CNNM2: variants seen among roughly 807,000 people sequenced by gnomAD.
CNNM2 encodes cyclin and CBS domain divalent metal cation transport mediator 2.
In CNNM2, 12 loss-of-function variants were observed where a neutral mutation model predicts 66.9. The ratio of observed to expected loss-of-function variants is 0.18; its 90% CI spans 0.11 to 0.29. The LOEUF (loss-of-function observed/expected upper bound fraction) is 0.29, where lower values mean the gene tolerates loss of function less well. Ranked by LOEUF, CNNM2 falls within the 10% of genes least tolerant of loss-of-function variation. CNNM2 has a pLI of 1.00. For missense variants in CNNM2, 705 were observed against 1,167.7 expected, an observed-to-expected ratio of 0.60 and a Z score of 5.77; for synonymous variants, 557 against 501.8, an observed-to-expected ratio of 1.11 and a Z score of -1.47.
chr10:103,058,010 T>C (rs983812515), intron 4 of CNNM2, among the ~76,000 whole-genome samples: 1 of 152,202 alleles, frequency 6.6e-6, no homozygotes, highest in African/African-American at 2.4e-5. Context: ...GTGGATCAAA[T>C]GTGTAGATTC....
Position 103,049,733 on chromosome 10 carries a change from C to T in CNNM2, c.1648C>T (p.Arg550Trp). ...TAAATCTCACCTGGCTATCGTGCAGCGGGTAAACAATGAGGGAGAAGGGGA... is the reference window on the plus strand; with the variant it reads ...TAAATCTCACCTGGCTATCGTGCAGTGGGTAAACAATGAGGGAGAAGGGGA... ...KGKSHLAIVQ[R>W]VNNEGEGDPF... Residue 550 changes from arginine to tryptophan, a missense_variant, in exon 2 of 8, where the codon CGG becomes TGG. Transcript: ENST00000369878. 1.2e-6 allele frequency: 2 copies of T among 1,613,764 alleles called. No homozygotes were observed. The highest frequency in any genetic ancestry group is 1.1e-5 in the South Asian group (1 of 91,050).
At chr10:103,045,594 C>T (rs972726258) in intron 1 of CNNM2, among the ~76,000 whole-genome samples, 1 of 151,826 alleles carries the variant, frequency 6.6e-6, no homozygotes, top group Non-Finnish European at 1.5e-5. Flanking sequence ...ACCCCACCCC[C>T]CGCCACCGCC....
At chr10:103,011,482 C>T (rs1341028467) in intron 1 of CNNM2, among the ~76,000 whole-genome samples, 1 of 151,592 alleles carries the variant, frequency 6.6e-6, no homozygotes, top group East Asian at 1.9e-4. Flanking sequence ...TGGCCATTGG[C>T]AAAGCAAAAT....
chr10:102,993,083 C>T (rs1007237370), intron 1 of CNNM2, among the ~76,000 whole-genome samples: 7 of 152,122 alleles, frequency 4.6e-5, no homozygotes, highest in Admixed American at 2.0e-4. Context: ...TACTTGTTTT[C>T]GTAACTGGCT....
chr10:102,959,996 G>A (rs575987513), intron 1 of CNNM2, among the ~76,000 whole-genome samples: 1 of 148,682 alleles, frequency 6.7e-6, no homozygotes, highest in South Asian at 2.1e-4. Context: ...AGCTTGCAGT[G>A]AGCCGAGATC....
intron 1 of CNNM2, among the ~76,000 whole-genome samples, chr10:102,975,046 G>A (rs2063604841): frequency 6.6e-6 from 1 of 152,160 alleles, no homozygotes; most frequent in Admixed American, 6.5e-5. Flanking sequence ...CTAGGGAATA[G>A]AACTAAGGCC....
At chr10:102,963,079 TC>T (rs1384556004) in intron 1 of CNNM2, among the ~76,000 whole-genome samples, 3 of 152,148 alleles carry the variant, frequency 2.0e-5, no homozygotes, top group African/African-American at 7.2e-5. Context: ...GCATCTGAAA[TC>T]ATATGGCCAA....
intron 1 of CNNM2, among the ~76,000 whole-genome samples, chr10:103,043,032 G>A (rs191933729): frequency 2.0e-4 from 31 of 152,214 alleles, no homozygotes; most frequent in African/African-American, 4.8e-4. Flanking sequence ...TTCATTTGCC[G>A]TCTCCTTGGT....
chr10:103,001,050 G>A (rs559083681), intron 1 of CNNM2, among the ~76,000 whole-genome samples: 39 of 152,320 alleles, frequency 2.6e-4, no homozygotes, highest in African/African-American at 8.7e-4. Context: ...GATGGACCTT[G>A]AAGATAGTAT....
Position 102,919,382 on chromosome 10 carries a change from A to G in CNNM2, c.902A>G (p.Tyr301Cys), listed in dbSNP as rs755736364. Residue 301 changes from tyrosine (Y) to cysteine (C), a missense_variant, in exon 1 of 8, where the codon TAC becomes TGC. Around this residue, in one of 9 missense-constraint regions of CNNM2, gnomAD observed 49 missense variants for 183.7 expected, o/e 0.27. Coordinates refer to ENST00000369878, the MANE Select transcript of CNNM2 (RefSeq NM_017649.5). ...TGCGGCACGGAGAAGGAGAAGAATT[A>G]CGCCAAGCGCATCGAGCCGGTGCGC... is the stretch of plus-strand genomic sequence containing the variant. ...QNCGTEKEKN[Y>C]AKRIEPVRRQ... is the part of the protein sequence containing the mutation. 1.2e-6 allele frequency: 2 copies of G among 1,612,216 alleles called. No homozygotes were observed. The highest frequency in any genetic ancestry group is 1.7e-6 in the Non-Finnish European group (2 of 1,180,042).
intron 1 of CNNM2, among the ~76,000 whole-genome samples, chr10:102,957,689 C>A (rs1190303639): frequency 6.6e-6 from 1 of 152,134 alleles, no homozygotes; most frequent in African/African-American, 2.4e-5. Context: ...TGGAATTAAG[C>A]CCTAATAGGA....
At chr10:102,961,299 C>T (rs779963623) in intron 1 of CNNM2, among the ~76,000 whole-genome samples, 3 of 152,104 alleles carry the variant, frequency 2.0e-5, no homozygotes, top group Admixed American at 1.3e-4. Context: ...GGTAATGTAT[C>T]GTTGAGTAAT....
At chr10:102,983,740 TTG>T (rs1363419501) in intron 1 of CNNM2, among the ~76,000 whole-genome samples, 1 of 149,788 alleles carries the variant, frequency 6.7e-6, no homozygotes, top group Non-Finnish European at 1.5e-5. Context: ...CTGGCCTAGT[TTG>T]TTTCATTTTA....
At chr10:102,970,239 T>A (rs12569617) in intron 1 of CNNM2, among the ~76,000 whole-genome samples, 3 of 152,008 alleles carry the variant, frequency 2.0e-5, no homozygotes, top group Non-Finnish European at 4.4e-5. Context: ...TTGTTTGAGC[T>A]GAGGAGTTTG....
At chr10:102,945,413 T>C (rs899542995) in intron 1 of CNNM2, among the ~76,000 whole-genome samples, 1 of 152,136 alleles carries the variant, frequency 6.6e-6, no homozygotes, top group Admixed American at 6.6e-5. Flanking sequence ...ACAAAACAAA[T>C]ACAGTATAAT....
chr10:102,985,666 A>G (rs992401738), intron 1 of CNNM2, among the ~76,000 whole-genome samples: 1 of 152,228 alleles, frequency 6.6e-6, no homozygotes, highest in African/African-American at 2.4e-5. Context: ...CCTAGGGGCT[A>G]GATAAGTACT....
At chr10:102,923,688 T>C (rs541044959) in intron 1 of CNNM2, among the ~76,000 whole-genome samples, 1 of 152,328 alleles carries the variant, frequency 6.6e-6, no homozygotes, top group Admixed American at 6.5e-5. Flanking sequence ...GTCCCCTTTT[T>C]TGCCATTAAA....
Position 103,084,294 on chromosome 10 carries a change from G to T in CNNM2, c.*7114G>T, listed in dbSNP as rs2065783043. The T allele has an allele frequency of 6.6e-6, 1 of 152,174 alleles. No individual in the cohort carries two copies. The highest frequency in any genetic ancestry group is 6.5e-5 in the Admixed American group (1 of 15,280). 9.4% of individuals were successfully genotyped at this position (152,174 alleles called of 1,614,324 possible). ...AGTCTTTTACTTACACTTGTTCTGTGGATGGAGACATTTCAGGGAAGAACT... is the reference window on the plus strand; with the variant it reads ...AGTCTTTTACTTACACTTGTTCTGTTGATGGAGACATTTCAGGGAAGAACT... On this transcript the variant is annotated 3_prime_UTR_variant, in exon 8 of 8. Transcript: ENST00000369878.
At chr10:103,046,727 G>A (rs1320539684) in intron 1 of CNNM2, among the ~76,000 whole-genome samples, 1 of 152,202 alleles carries the variant, frequency 6.6e-6, no homozygotes, top group African/African-American at 2.4e-5. Flanking sequence ...AGGCAGCTGG[G>A]TTCAGTCTTG....
Sources: gnomAD v4.1 joint callset for allele counts (sites outside exome capture counted in the v4.1 genomes callset) on GRCh38, gnomAD v4.1.1 for gene constraint, gnomAD v4.1.1 regional missense constraint, MANE v1.5 for transcripts, NCBI Gene and HGNC (gene_info 2026-07-23, HGNC 2026-07-21) for gene names.